The following IGFL2 variants were observed in gnomAD, a reference collection of about 807,000 sequenced individuals.
IGFL2 encodes the protein insulin growth factor-like family member 2.
A neutral mutation model predicts 13.9 loss-of-function variants in IGFL2; 7 were observed. The ratio of observed to expected loss-of-function variants is 0.51; its 90% CI spans 0.29 to 0.95. The LOEUF is 0.95. Ranked by LOEUF, IGFL2 falls within the 40% of genes least tolerant of loss-of-function variation. The pLI is 0.08. For missense variants in IGFL2, 138 were observed against 147.8 expected (o/e 0.93, Z 0.34); for synonymous variants, 55 against 55.8 (o/e 0.99, Z 0.07).
chr19:46,120,855 A>T, the IGFL2 span, among the ~76,000 whole-genome samples: 1 of 150,922 alleles, frequency 6.6e-6, no homozygotes, highest in East Asian at 2.0e-4. Flanking sequence ...AAGGTAATAG[A>T]TATGTTAATT....
the IGFL2 span, among the ~76,000 whole-genome samples, chr19:46,131,872 G>C: frequency 1.7e-4 from 26 of 152,144 alleles, no homozygotes; most frequent in Admixed American, 1.7e-3. Flanking sequence ...CCAGGAGGTG[G>C]AGGTTGCAGT....
the IGFL2 span, among the ~76,000 whole-genome samples, chr19:46,138,042 T>G: frequency 6.6e-6 from 1 of 152,210 alleles, no homozygotes; most frequent in Non-Finnish European, 1.5e-5. Context: ...TCGGTCTGGT[T>G]AAGAACCATT....
chr19:46,085,992 A>G, the IGFL2 span, among the ~76,000 whole-genome samples: 1 of 152,038 alleles, frequency 6.6e-6, no homozygotes, highest in Non-Finnish European at 1.5e-5. Context: ...TGTAGGCTCC[A>G]CTCATTCTTT....
At chr19:46,200,036 C>G in the IGFL2 span, among the ~76,000 whole-genome samples, 2 of 152,180 alleles carry the variant, frequency 1.3e-5, no homozygotes, top group Admixed American at 6.5e-5. Flanking sequence ...GCCACCACGC[C>G]TGGCTAATTT....
At chr19:46,149,167 C>T (rs1973314048) in intron 1 of IGFL2, 1 of 674,852 alleles carries the variant, frequency 1.5e-6, no homozygotes, top group Non-Finnish European at 2.7e-6. Flanking sequence ...TCTCTTCTCT[C>T]TCTCTCTCTT....
At chr19:46,084,902 C>T in the IGFL2 span, among the ~76,000 whole-genome samples, 13 of 152,188 alleles carry the variant, frequency 8.5e-5, no homozygotes, top group Non-Finnish European at 1.6e-4. Flanking sequence ...TTGCAAAATA[C>T]AACCATGCCT....
the IGFL2 span, among the ~76,000 whole-genome samples, chr19:46,134,697 C>CT: frequency 6.6e-6 from 1 of 152,212 alleles, no homozygotes; most frequent in Non-Finnish European, 1.5e-5. Flanking sequence ...TCCTACTGAT[C>CT]TGACAGGAGG....
At chr19:46,186,310 C>G in the IGFL2 span, among the ~76,000 whole-genome samples, 1 of 152,208 alleles carries the variant, frequency 6.6e-6, no homozygotes, top group Admixed American at 6.5e-5. Context: ...TGCCACTTGT[C>G]GGGCGCCACC....
At chr19:46,153,839 A>ATATATTT (rs1198396702) in intron 1 of IGFL2, among the ~76,000 whole-genome samples, 2 of 139,366 alleles carry the variant, frequency 1.4e-5, no homozygotes, top group African/African-American at 5.4e-5. Flanking sequence ...ATATATATAT[A>ATATATTT]TTTTTTTTAC....
the IGFL2 span, chr19:46,124,406 A>C: frequency 7.0e-7 from 1 of 1,435,152 alleles, no homozygotes; most frequent in African/African-American, 1.4e-5. Flanking sequence ...AACAGAGGTT[A>C]GGGTGGTTTA....
chr19:46,187,890 G>A, the IGFL2 span, among the ~76,000 whole-genome samples: 1 of 149,836 alleles, frequency 6.7e-6, no homozygotes, highest in African/African-American at 2.4e-5. Flanking sequence ...CTGCTGGTGT[G>A]TGCTACCTGA....
the IGFL2 span, among the ~76,000 whole-genome samples, chr19:46,093,850 A>G: frequency 6.6e-6 from 1 of 152,194 alleles, no homozygotes; most frequent in Non-Finnish European, 1.5e-5. Context: ...AAAATTAAAT[A>G]TCTAGGCCTG....
At chr19:46,089,736 C>T in the IGFL2 span, among the ~76,000 whole-genome samples, 2 of 151,616 alleles carry the variant, frequency 1.3e-5, no homozygotes, top group Non-Finnish European at 2.9e-5. Context: ...ATTGAAACTC[C>T]CTTATATGTT....
chr19:46,127,633 G>GT, the IGFL2 span, among the ~76,000 whole-genome samples: 3 of 152,138 alleles, frequency 2.0e-5, no homozygotes, highest in African/African-American at 7.2e-5. Context: ...AGGTAGGTAG[G>GT]TGGGTAGATA....
At chr19:46,171,354 A>G in the IGFL2 span, among the ~76,000 whole-genome samples, 1 of 152,110 alleles carries the variant, frequency 6.6e-6, no homozygotes, top group African/African-American at 2.4e-5. Context: ...GCTATTCAAG[A>G]CGAGATTATG....
At chr19:46,149,180 C>CTCTCTCTT (rs1973320224) in intron 1 of IGFL2, 26 of 192,486 alleles carry the variant, frequency 1.4e-4, no homozygotes, top group Middle Eastern at 2.6e-3. Flanking sequence ...TCTCTCTTCT[C>CTCTCTCTT]TCTCTCTTTC....
At chr19:46,182,195 C>T in the IGFL2 span, among the ~76,000 whole-genome samples, 11 of 151,742 alleles carry the variant, frequency 7.2e-5, no homozygotes, top group Admixed American at 1.3e-4. Flanking sequence ...AGTGAAACCC[C>T]GTCTCTACTA....
chr19:46,214,213 C>G, the IGFL2 span: 1 of 152,206 alleles, frequency 6.6e-6, no homozygotes, highest in Non-Finnish European at 1.5e-5. Flanking sequence ...TAGTGAATCC[C>G]TCCTTGGACC....
intron 1 of IGFL2, among the ~76,000 whole-genome samples, chr19:46,153,788 T>C (rs1973645334): frequency 6.7e-6 from 1 of 149,544 alleles, no homozygotes; most frequent in Non-Finnish European, 1.5e-5. Flanking sequence ...TGGGGTAGCT[T>C]TTGCCTTTTT....
Sources: gnomAD v4.1 joint callset for allele counts (sites outside exome capture counted in the v4.1 genomes callset) on GRCh38, gnomAD v4.1.1 for gene constraint, MANE v1.5 for transcripts, NCBI Gene and HGNC (gene_info 2026-07-23, HGNC 2026-07-21) for gene names.